The following SFXN5 variants were observed in gnomAD, a reference collection of about 807,000 sequenced individuals.
SFXN5 encodes sideroflexin 5.
SFXN5 carries 43 observed loss-of-function variants against 50.2 expected under a neutral mutation model. The observed-to-expected ratio is 0.86, with a 90% CI of 0.67 to 1.11. SFXN5 has a LOEUF of 1.11. Among genes scored for constraint, SFXN5 ranks in the 50% least tolerant of loss-of-function variants. The pLI is 0.00. For missense variants in SFXN5, 463 were observed against 454.1 expected (o/e 1.02, Z -0.18); for synonymous variants, 203 against 185.8 (o/e 1.09, Z -0.75).
intron 8 of SFXN5, among the ~76,000 whole-genome samples, chr2:73,000,123 A>G (rs1673720916): frequency 6.6e-6 from 1 of 152,180 alleles, no homozygotes; most frequent in African/African-American, 2.4e-5. Context: ...TGTAAGAGCT[A>G]CCCAAGAAGA....
intron 13 of SFXN5, among the ~76,000 whole-genome samples, chr2:72,958,908 T>C (rs1207885406): frequency 6.6e-6 from 1 of 151,976 alleles, no homozygotes; most frequent in Non-Finnish European, 1.5e-5. Flanking sequence ...GGAGCCCCAC[T>C]CCCACAGAGT....
chr2:72,988,102 G>A (rs1415780091), intron 10 of SFXN5, among the ~76,000 whole-genome samples, 156 bp downstream of exon 10: 1 of 147,916 alleles, frequency 6.8e-6, no homozygotes, highest in African/African-American at 2.7e-5. Context: ...GGGACCCCAT[G>A]GTCTTGTCTT....
At chr2:73,042,066 C>T (rs1477834929) in intron 2 of SFXN5, among the ~76,000 whole-genome samples, 1 of 152,042 alleles carries the variant, frequency 6.6e-6, no homozygotes, top group Admixed American at 6.6e-5. Context: ...AGAGATTAAC[C>T]TACTAAAGTA....
intron 12 of SFXN5, among the ~76,000 whole-genome samples, chr2:72,968,136 CACA>C (rs1674669171): frequency 6.7e-6 from 1 of 149,190 alleles, no homozygotes; most frequent in African/African-American, 2.5e-5. Context: ...CACACACACA[CACA>C]CACACACACA....
At chr2:72,981,796 G>C (rs1375633446) in intron 10 of SFXN5, among the ~76,000 whole-genome samples, 1 of 152,118 alleles carries the variant, frequency 6.6e-6, no homozygotes, top group African/African-American at 2.4e-5. Flanking sequence ...ATATTCCTTT[G>C]ATAACATGAT....
rs997603900 is a variant in SFXN5, at chr2:73,048,741, A to G, written c.172-7810T>C. On this transcript the variant is annotated intron_variant, in intron 2 of 13. Transcript: ENST00000272433. Reference sequence around the variant, plus strand: ...ATCTGGCTAAAAGGTGTCCACTATTATAAGTAACATTGCAATTAATATCCT... The same window carrying G: ...ATCTGGCTAAAAGGTGTCCACTATTGTAAGTAACATTGCAATTAATATCCT... 5.9e-5 allele frequency among the ~76,000 whole-genome samples: 9 copies of G among 152,256 alleles called. No individual in the cohort carries two copies. The East Asian group carries it at 1.7e-3, about 29-fold the overall frequency.
At chr2:73,040,961 G>A (rs1338275655) in intron 2 of SFXN5, 30 bp from the exon 3 acceptor site, 47 of 1,599,944 alleles carry the variant, frequency 2.9e-5, no homozygotes, top group Non-Finnish European at 4.0e-5. Flanking sequence ...GACATTGAGG[G>A]GCACAGATCC....
At chr2:73,063,092 C>A (rs995249923) in intron 1 of SFXN5, among the ~76,000 whole-genome samples, 2 of 152,056 alleles carry the variant, frequency 1.3e-5, no homozygotes, top group African/African-American at 4.8e-5. Flanking sequence ...TGTTTGTTAA[C>A]CAGAATAGGG....
rs1355890748 is a variant in SFXN5 at position 72,973,321 on chromosome 2, G to GC, written c.626-1637dup. ...TGCCCCACAACAGGCATGCTCACCT[G>GC]CCCTAAACAGCCGCTCTCTGCCAGG... On this transcript the variant is annotated intron_variant, in intron 10 of 13. Transcript: ENST00000272433. The surrounding 1 kb of genome is among the most constrained non-coding windows in gnomAD (Gnocchi z 5.5). The GC allele has an allele frequency of 5.9e-6, 1 of 169,160 alleles. No individual in the cohort carries two copies. Among genetic ancestry groups the GC allele is most frequent in the African/African-American group, 2.4e-5 (1 of 41,652 alleles). 10.5% of individuals were successfully genotyped at this position (169,160 alleles called of 1,614,324 possible). A position where few individuals can be genotyped will look rare whatever the true frequency, so the allele number is the denominator to read the frequency against.
intron 13 of SFXN5, among the ~76,000 whole-genome samples, chr2:72,954,985 G>A (rs957064063): frequency 2.4e-4 from 37 of 152,346 alleles, no homozygotes; most frequent in Admixed American, 1.2e-3. Flanking sequence ...TAAGACCCAA[G>A]GTCATATGGA....
At chr2:72,958,544 G>A (rs1027854738) in intron 13 of SFXN5, among the ~76,000 whole-genome samples, 38 of 152,192 alleles carry the variant, frequency 2.5e-4, no homozygotes, top group Admixed American at 2.2e-3. Flanking sequence ...GGCAGGTGGA[G>A]TTATGACAGC....
At chr2:72,951,394 G>A (rs979121876) in intron 13 of SFXN5, among the ~76,000 whole-genome samples, 5 of 152,196 alleles carry the variant, frequency 3.3e-5, no homozygotes, top group Admixed American at 1.3e-4. Flanking sequence ...AGCTAGAATA[G>A]CCAAGCACCT....
At chr2:73,043,116 A>G (rs1434665634) in intron 2 of SFXN5, among the ~76,000 whole-genome samples, 1 of 152,210 alleles carries the variant, frequency 6.6e-6, no homozygotes, top group Non-Finnish European at 1.5e-5. Flanking sequence ...AAAACAATAA[A>G]CAGACAACAG....
intron 10 of SFXN5, 69 bp downstream of exon 10, chr2:72,988,189 T>C: frequency 7.0e-7 from 1 of 1,434,578 alleles, no homozygotes; most frequent in Admixed American, 1.9e-5. Context: ...GGGTCATCTG[T>C]CTCCCTGGGA....
chr2:73,017,186 T>C (rs1676270733), intron 6 of SFXN5, among the ~76,000 whole-genome samples: 1 of 152,224 alleles, frequency 6.6e-6, no homozygotes, highest in Admixed American at 6.5e-5. Context: ...GGAAAGCAGA[T>C]ATTTGTATCT....
chr2:73,004,315 G>GCGCACACACACA (rs777120545), intron 6 of SFXN5, among the ~76,000 whole-genome samples: 4 of 115,666 alleles, frequency 3.5e-5, no homozygotes, highest in Admixed American at 8.3e-5. Flanking sequence ...GAGTGCGCGC[G>GCGCACACACACA]CACACACACA....
intron 3 of SFXN5, among the ~76,000 whole-genome samples, chr2:73,039,796 T>A (rs1415426504): frequency 1.3e-5 from 2 of 151,562 alleles, no homozygotes; most frequent in African/African-American, 4.8e-5. Flanking sequence ...TTATTTTATT[T>A]TATTTTATTT....
intron 1 of SFXN5, among the ~76,000 whole-genome samples, chr2:73,066,924 A>G (rs1683221615): frequency 6.6e-6 from 1 of 152,232 alleles, no homozygotes; most frequent in Non-Finnish European, 1.5e-5. Context: ...ACACCCCTGT[A>G]GTTCCAGCTA....
chr2:73,035,362 T>G (rs2105901130), intron 3 of SFXN5, among the ~76,000 whole-genome samples: 1 of 152,264 alleles, frequency 6.6e-6, no homozygotes, highest in Middle Eastern at 3.4e-3. Context: ...CATGGTTTTG[T>G]TTTTTTAACT....
Sources: allele counts gnomAD v4.1 joint callset (sites outside exome capture counted in the v4.1 genomes callset), GRCh38; gene constraint gnomAD v4.1.1; non-coding constraint Gnocchi (gnomAD v3.1); transcripts MANE v1.5; gene names NCBI Gene and HGNC (gene_info 2026-07-23, HGNC 2026-07-21).